The following RELN variants were observed in gnomAD, a reference collection of about 807,000 sequenced individuals.
RELN encodes the protein reelin.
In RELN, 108 loss-of-function variants were observed where a neutral mutation model predicts 427.6. The ratio of observed to expected loss-of-function variants is 0.25; its 90% CI spans 0.22 to 0.30. The LOEUF is 0.30. Among genes scored for constraint, RELN ranks in the 10% least tolerant of loss-of-function variants. The pLI is 1.00. For missense variants in RELN, 3,715 were observed against 4,302.8 expected (o/e 0.86, Z 3.82); for synonymous variants, 1,524 against 1,513.4 (o/e 1.01, Z -0.16).
At chr7:103,908,748 T>C (rs1344605055) in intron 2 of RELN, among the ~76,000 whole-genome samples, 1 of 152,186 alleles carries the variant, frequency 6.6e-6, no homozygotes, top group African/African-American at 2.4e-5. Flanking sequence ...TAGATAAAAC[T>C]AGTTCTTAAT....
At chr7:103,689,088 A>C (rs1448673983) in intron 10 of RELN, among the ~76,000 whole-genome samples, 1 of 152,136 alleles carries the variant, frequency 6.6e-6, no homozygotes, top group Non-Finnish European at 1.5e-5. Flanking sequence ...TTTTTTTAAA[A>C]AATAAAATGT....
chr7:103,726,203 TA>T (rs1790207121), intron 7 of RELN, among the ~76,000 whole-genome samples: 1 of 152,176 alleles, frequency 6.6e-6, no homozygotes, highest in South Asian at 2.1e-4. Flanking sequence ...CTGTCTTCTA[TA>T]AACACAACTT....
intron 22 of RELN, among the ~76,000 whole-genome samples, chr7:103,604,835 T>TC: frequency 6.6e-6 from 1 of 150,954 alleles, no homozygotes; most frequent in African/African-American, 2.4e-5. Context: ...ATCTTTCTTT[T>TC]TTTTTTTTTT....
At chr7:103,553,924 T>G in intron 38 of RELN, 93 bp from the exon 39 acceptor site, 1 of 1,053,482 alleles carries the variant, frequency 9.5e-7, no homozygotes, top group Non-Finnish European at 1.5e-6. Flanking sequence ...CAAAAGCAAC[T>G]CAGTAACAAT....
intron 19 of RELN, among the ~76,000 whole-genome samples, chr7:103,631,269 A>C (rs919247814): frequency 2.0e-5 from 3 of 147,386 alleles, no homozygotes; most frequent in Non-Finnish European, 3.0e-5. Flanking sequence ...TACAGAAATA[A>C]AACTTTAAAA....
At chr7:103,538,535 A>G (rs981757150) in intron 45 of RELN, among the ~76,000 whole-genome samples, 1 of 152,174 alleles carries the variant, frequency 6.6e-6, no homozygotes, top group Non-Finnish European at 1.5e-5. Context: ...GGAATGTGCT[A>G]TGATCCACGG....
Position 103,746,933 on chromosome 7 carries a change from C to T in RELN, c.656+2493G>A, listed in dbSNP as rs1055927223. 3.0e-3 allele frequency among the ~76,000 whole-genome samples: 464 copies of T among 152,168 alleles called. 3 individuals carry two copies. The highest frequency in any genetic ancestry group is 4.6e-3 in the Non-Finnish European group (311 of 67,994). ...TACTGGGTATATACCCAAAGGACTA[C>T]AAATCATGCTGCTACAAAGACACAT... On this transcript the variant is annotated intron_variant, in intron 6 of 64. Coordinates refer to ENST00000428762, the MANE Select transcript of RELN (RefSeq NM_005045.4).
At chr7:103,810,128 T>C (rs187083166) in intron 3 of RELN, among the ~76,000 whole-genome samples, 79 of 152,306 alleles carry the variant, frequency 5.2e-4, no homozygotes, top group Admixed American at 4.5e-3. Context: ...CTTGCTGTTA[T>C]CATTGCCCTT....
chr7:103,979,457 T>A (rs1796945965), intron 1 of RELN, among the ~76,000 whole-genome samples: 1 of 152,254 alleles, frequency 6.6e-6, no homozygotes, highest in Non-Finnish European at 1.5e-5. Context: ...CTGGAAAGGA[T>A]GCTTAGCAGT....
At position 103,490,209 on chromosome 7, in the gene RELN, G is replaced by A. The variant is rs76613639; in HGVS notation, c.9606-310C>T. ...CGTTTTCCAAATCTTTGAGTAAACC[G>A]AATGCTGCTCTAGGAAGATTGCACT... On this transcript the variant is annotated intron_variant, in intron 59 of 64. Transcript: ENST00000428762. Among the ~76,000 whole-genome samples the A allele has an allele frequency of 2.5e-3, 380 of 152,248 alleles. 2 individuals carry two copies. Among genetic ancestry groups the A allele is most frequent in the African/African-American group, 8.7e-3 (362 of 41,544 alleles).
At chr7:103,862,580 T>C (rs1794098407) in intron 2 of RELN, among the ~76,000 whole-genome samples, 1 of 152,096 alleles carries the variant, frequency 6.6e-6, no homozygotes. Flanking sequence ...ATTTCTCTTT[T>C]AGTGTTTTCA....
chr7:103,885,557 G>A (rs1320055794), intron 2 of RELN, among the ~76,000 whole-genome samples: 2 of 152,076 alleles, frequency 1.3e-5, no homozygotes, highest in Non-Finnish European at 2.9e-5. Context: ...ATGGACACAA[G>A]GAACGGAACA....
intron 28 of RELN, among the ~76,000 whole-genome samples, chr7:103,577,428 C>G (rs1831028892): frequency 6.6e-6 from 1 of 152,096 alleles, no homozygotes; most frequent in African/African-American, 2.4e-5. Flanking sequence ...CCCCAAGCCC[C>G]CGTTTCAGTG....
At chr7:103,544,595 G>T (rs752552378) in intron 42 of RELN, among the ~76,000 whole-genome samples, 5 of 152,100 alleles carry the variant, frequency 3.3e-5, no homozygotes, top group Non-Finnish European at 7.4e-5. Context: ...TTTTATGGAG[G>T]TGTTTTTCCA....
chr7:103,597,250 C>T (rs1228815110), intron 24 of RELN, among the ~76,000 whole-genome samples: 2 of 152,194 alleles, frequency 1.3e-5, no homozygotes, highest in East Asian at 3.8e-4. Context: ...GGCCCTGACC[C>T]TCCTGTCCTG....
intron 8 of RELN, among the ~76,000 whole-genome samples, chr7:103,707,761 T>C (rs1834237560): frequency 6.6e-6 from 1 of 152,116 alleles, no homozygotes; most frequent in Admixed American, 6.5e-5. Flanking sequence ...CCTCCCAAAG[T>C]GTTGGGATTA....
At position 103,917,201 on chromosome 7, in the gene RELN, GA is replaced by G. The variant is rs561211301; in HGVS notation, c.227-17del. ...GAAATTGTCACTGAAATGTAAGAAA[GA>G]AAAAAAAAACTCTCAATACAGTCAG... On this transcript the variant is annotated splice_polypyrimidine_tract_variant and intron_variant, in intron 1 of 64. Coordinates refer to ENST00000428762, the MANE Select transcript of RELN (RefSeq NM_005045.4). 323 of 1,456,198 alleles carry G rather than the reference GA, an allele frequency of 2.2e-4. No homozygotes were observed. Among genetic ancestry groups the G allele is most frequent in the East Asian group, 2.7e-4 (11 of 40,014 alleles). The allele number at this position is 1,456,198 out of a possible 1,614,324, so 90.2% of individuals were successfully genotyped here. A position where few individuals can be genotyped will look rare whatever the true frequency, so the allele number is the denominator to read the frequency against.
intron 2 of RELN, among the ~76,000 whole-genome samples, chr7:103,860,288 C>T (rs1278901337): frequency 1.3e-5 from 2 of 151,910 alleles, no homozygotes; most frequent in Non-Finnish European, 2.9e-5. Flanking sequence ...TACTATATTC[C>T]CTAAGGGATT....
At chr7:103,556,471 G>C (rs1344624766) in intron 38 of RELN, among the ~76,000 whole-genome samples, 1 of 151,844 alleles carries the variant, frequency 6.6e-6, no homozygotes, top group Non-Finnish European at 1.5e-5. Context: ...TATTTATTGA[G>C]ACTTGTTGAT....
Sources: gnomAD v4.1 joint callset for allele counts (sites outside exome capture counted in the v4.1 genomes callset) on GRCh38, gnomAD v4.1.1 for gene constraint, MANE v1.5 for transcripts, NCBI Gene and HGNC (gene_info 2026-07-23, HGNC 2026-07-21) for gene names.